Variants in RBFOX1 observed in about 807,000 individuals in gnomAD.
The protein encoded by RBFOX1 is RNA binding protein fox-1 homolog 1.
A neutral mutation model predicts 57.7 loss-of-function variants in RBFOX1; 8 were observed. The ratio of observed to expected loss-of-function variants is 0.14; its 90% CI spans 0.08 to 0.25. RBFOX1 has a LOEUF of 0.25. Among genes scored for constraint, RBFOX1 ranks in the 10% least tolerant of loss-of-function variants. The pLI is 1.00. For synonymous variants in RBFOX1, 326 were observed against 222.4 expected (o/e 1.47, Z -4.15); for missense variants, 611 against 548.5 (o/e 1.11, Z -1.14).
At chr16:7,346,442 G>A (rs986043710) in intron 4 of RBFOX1, among the ~76,000 whole-genome samples, 1 of 152,068 alleles carries the variant, frequency 6.6e-6, no homozygotes, top group South Asian at 2.1e-4. Flanking sequence ...GAATGGACAC[G>A]ACACGCGTTT....
At chr16:6,629,384 G>A (rs2098354511) in intron 2 of RBFOX1, among the ~76,000 whole-genome samples, 1 of 152,144 alleles carries the variant, frequency 6.6e-6, no homozygotes, top group Non-Finnish European at 1.5e-5. Context: ...AACGACTTTT[G>A]GCCCTGAGAG....
intron 2 of RBFOX1, among the ~76,000 whole-genome samples, chr16:6,420,985 G>A (rs2093756024): frequency 6.6e-6 from 1 of 152,194 alleles, no homozygotes; most frequent in South Asian, 2.1e-4. Context: ...CCTTGTTGCA[G>A]CGTGAACATC....
chr16:6,610,646 G>T (rs951978852), intron 2 of RBFOX1, among the ~76,000 whole-genome samples: 5 of 152,104 alleles, frequency 3.3e-5, no homozygotes, highest in African/African-American at 1.2e-4. Flanking sequence ...ACATTATCCT[G>T]ATTATACATT....
intron 3 of RBFOX1, among the ~76,000 whole-genome samples, chr16:5,858,421 C>T (rs988885950): frequency 6.6e-6 from 1 of 152,172 alleles, no homozygotes; most frequent in Non-Finnish European, 1.5e-5. Context: ...TTTAACCTTC[C>T]TTAATAGACC....
chr16:5,472,817 T>A (rs996947005), intron 2 of RBFOX1, among the ~76,000 whole-genome samples: 1 of 152,180 alleles, frequency 6.6e-6, no homozygotes, highest in Admixed American at 6.5e-5. Flanking sequence ...TGATCCTCCA[T>A]GGAAGCTGCA....
At chr16:5,689,186 C>T (rs1028706660) in intron 3 of RBFOX1, among the ~76,000 whole-genome samples, 6 of 152,178 alleles carry the variant, frequency 3.9e-5, no homozygotes, top group East Asian at 1.9e-4. Context: ...GGCAGCCACA[C>T]AGGTGGTGCT....
chr16:6,815,222 G>C (rs2089803439), intron 3 of RBFOX1, among the ~76,000 whole-genome samples: 1 of 152,134 alleles, frequency 6.6e-6, no homozygotes, highest in African/African-American at 2.4e-5. Context: ...TGAAGAGTGA[G>C]GATGACCAGA....
At chr16:5,395,350 T>C (rs1029436653) in intron 1 of RBFOX1, among the ~76,000 whole-genome samples, 18 of 152,294 alleles carry the variant, frequency 1.2e-4, no homozygotes, top group Middle Eastern at 3.4e-3. Flanking sequence ...GGAAGATTTG[T>C]TTTTGCCTCT....
intron 9 of RBFOX1, among the ~76,000 whole-genome samples, chr16:7,599,799 G>GTT (rs113220306): frequency 0.013 from 1,948 of 147,188 alleles, 21 homozygotes; most frequent in Non-Finnish European, 0.018. Context: ...TGCCTGGCTA[G>GTT]TTTTTTTTTT....
intron 4 of RBFOX1, among the ~76,000 whole-genome samples, chr16:7,501,110 A>T (rs976041544): frequency 2.6e-5 from 4 of 152,190 alleles, no homozygotes; most frequent in African/African-American, 7.2e-5. Context: ...CCAGCCTCAG[A>T]TATGTCTTTA....
At chr16:7,674,528 A>T (rs1021965950) in intron 13 of RBFOX1, among the ~76,000 whole-genome samples, 2 of 152,188 alleles carry the variant, frequency 1.3e-5, no homozygotes, top group South Asian at 4.1e-4. Flanking sequence ...GGAAATTGTG[A>T]TCTTAACCCT....
At chr16:6,489,534 A>T (rs1446371426) in intron 2 of RBFOX1, among the ~76,000 whole-genome samples, 1 of 152,134 alleles carries the variant, frequency 6.6e-6, no homozygotes, top group Non-Finnish European at 1.5e-5. Flanking sequence ...TTAAACTCCA[A>T]AGTCTGTGTT....
chr16:6,166,075 G>A (rs1424806450), intron 1 of RBFOX1, among the ~76,000 whole-genome samples: 1 of 152,186 alleles, frequency 6.6e-6, no homozygotes, highest in African/African-American at 2.4e-5. Flanking sequence ...TCAGAGTGTA[G>A]TCTTTTCTCT....
intron 1 of RBFOX1, among the ~76,000 whole-genome samples, chr16:6,226,974 A>G (rs1204858498): frequency 6.6e-6 from 1 of 151,100 alleles, no homozygotes; most frequent in Admixed American, 6.6e-5. Flanking sequence ...AAATACAAAA[A>G]TTAGCTGGGT....
At chr16:5,636,779 T>A (rs183442981) in intron 3 of RBFOX1, among the ~76,000 whole-genome samples, 1 of 152,354 alleles carries the variant, frequency 6.6e-6, no homozygotes, top group East Asian at 1.9e-4. Context: ...TGCTTGTTTT[T>A]ATTTTCAAAT....
chr16:7,367,882 G>GCACACA (rs1187551768), intron 4 of RBFOX1, among the ~76,000 whole-genome samples: 1 of 89,200 alleles, frequency 1.1e-5, no homozygotes, highest in East Asian at 4.3e-4. Context: ...ACACATGCGT[G>GCACACA]CATACACACA....
At chr16:7,163,256 T>C (rs766453911) in intron 4 of RBFOX1, among the ~76,000 whole-genome samples, 7 of 152,164 alleles carry the variant, frequency 4.6e-5, no homozygotes, top group Non-Finnish European at 1.0e-4. Flanking sequence ...TTACGTTGTT[T>C]GATTTGGACG....
intron 4 of RBFOX1, among the ~76,000 whole-genome samples, chr16:7,099,857 G>A (rs941522320): frequency 1.3e-5 from 2 of 152,060 alleles, no homozygotes; most frequent in African/African-American, 2.4e-5. Context: ...TTTATCGTGC[G>A]GTTACAGCCT....
intron 3 of RBFOX1, among the ~76,000 whole-genome samples, chr16:6,772,524 G>A (rs2154213633): frequency 6.6e-6 from 1 of 151,246 alleles, no homozygotes; most frequent in African/African-American, 2.4e-5. Flanking sequence ...ATATGGGTGG[G>A]TATGGGGCGC....
Sources: allele counts gnomAD v4.1 joint callset (sites outside exome capture counted in the v4.1 genomes callset), GRCh38; gene constraint gnomAD v4.1.1; transcripts MANE v1.5; gene names NCBI Gene and HGNC (gene_info 2026-07-23, HGNC 2026-07-21).